The following KIAA1217 variants were observed in gnomAD, a reference collection of about 807,000 sequenced individuals.
The protein encoded by KIAA1217 is KIAA1217.
Under a neutral mutation model 163.9 loss-of-function variants are expected in KIAA1217, and 88 were observed. That is an observed-to-expected ratio of 0.54 (90% CI 0.45 to 0.64). KIAA1217 has a LOEUF of 0.64. Ranked by LOEUF, KIAA1217 falls within the 30% of genes least tolerant of loss-of-function variation. The pLI, the probability that KIAA1217 is intolerant of heterozygous loss-of-function variation, is 0.00. For missense variants in KIAA1217, 2,372 were observed against 2,475.0 expected (o/e 0.96, Z 0.88); for synonymous variants, 903 against 923.1 (o/e 0.98, Z 0.39).
Position 24,043,336 on chromosome 10 carries a change from T to C in KIAA1217, c.-171+35962T>C, listed in dbSNP as rs559205362. Among the ~76,000 whole-genome samples the C allele has an allele frequency of 3.3e-5, 5 of 152,310 alleles. No individual in the cohort carries two copies. In the South Asian group the frequency reaches 1.0e-3, roughly 32 times the overall value. On this transcript the variant is annotated intron_variant, in intron 2 of 18. Transcript: ENST00000376462. ...GTTTTAATATTCTCATTCTTATAAC[T>C]GGGAGTTTTTATTTTCTAAAAAGTC...
At chr10:24,225,681 G>C (rs2070424314) in intron 2 of KIAA1217, among the ~76,000 whole-genome samples, 1 of 152,228 alleles carries the variant, frequency 6.6e-6, no homozygotes, top group East Asian at 1.9e-4. Flanking sequence ...ATAAAGAATA[G>C]TCTTTCCAGA....
intron 2 of KIAA1217, among the ~76,000 whole-genome samples, chr10:24,361,170 A>AT (rs34211302): frequency 0.38 from 57,724 of 150,812 alleles, 11,957 homozygotes; most frequent in Middle Eastern, 0.48. Flanking sequence ...AGCACATGCC[A>AT]TTTTTTTTTC....
At chr10:23,847,171 A>T (rs768881703) in intron 1 of KIAA1217, among the ~76,000 whole-genome samples, 2 of 152,154 alleles carry the variant, frequency 1.3e-5, no homozygotes, top group Non-Finnish European at 2.9e-5. Flanking sequence ...ATCGATGTTC[A>T]TCAGGGGTAT....
intron 1 of KIAA1217, among the ~76,000 whole-genome samples, chr10:23,749,031 A>G (rs1192568495): frequency 6.6e-6 from 1 of 152,100 alleles, no homozygotes. Context: ...CTGTTATACC[A>G]CATCTAACAT....
At chr10:23,793,968 A>G (rs2130939978) in intron 1 of KIAA1217, among the ~76,000 whole-genome samples, 1 of 152,354 alleles carries the variant, frequency 6.6e-6, no homozygotes, top group African/African-American at 2.4e-5. Context: ...ATGTAAAATC[A>G]TTGCTTTTAA....
intron 2 of KIAA1217, among the ~76,000 whole-genome samples, chr10:24,008,990 G>T (rs1368258303): frequency 6.6e-6 from 1 of 152,196 alleles, no homozygotes; most frequent in East Asian, 1.9e-4. Context: ...AGAGATCAAA[G>T]AGTCAACCTT....
intron 1 of KIAA1217, among the ~76,000 whole-genome samples, chr10:23,983,759 G>A (rs1159841745): frequency 6.6e-6 from 1 of 152,152 alleles, no homozygotes; most frequent in Non-Finnish European, 1.5e-5. Context: ...TGACCCACAT[G>A]CAGAATACAT....
chr10:24,534,881 C>CAAAAAAAA (rs71506838), intron 16 of KIAA1217, among the ~76,000 whole-genome samples: 2 of 71,844 alleles, frequency 2.8e-5, no homozygotes, highest in Non-Finnish European at 5.3e-5. Flanking sequence ...AACTCTGTCT[C>CAAAAAAAA]AAAAAAAAAA....
intron 1 of KIAA1217, among the ~76,000 whole-genome samples, chr10:23,883,246 T>G (rs1841029619): frequency 6.6e-6 from 1 of 151,914 alleles, no homozygotes; most frequent in South Asian, 2.1e-4. Context: ...ATGTCCTAAC[T>G]CACTCTTTAC....
Position 24,477,960 on chromosome 10 carries a change from A to C in KIAA1217, c.1679+3900A>C, listed in dbSNP as rs569453590. ...TCATGAGCACAGGGTCGTATAAAGA[A>C]CCAATCCAATTTCTGTTGCAATTTC... On this transcript the variant is annotated intron_variant, in intron 6 of 20. Transcript: ENST00000376454. Among the ~76,000 whole-genome samples, 3 of 152,362 alleles carry C rather than the reference A, an allele frequency of 2.0e-5. No individual in the cohort carries two copies. In the South Asian group the frequency reaches 6.2e-4, roughly 32 times the overall value.
Position 24,546,320 on chromosome 10 carries a change from C to A in KIAA1217, c.5828C>A (p.Ser1943Tyr). Residue 1943 changes from serine (S) to tyrosine (Y), a missense_variant, in exon 21 of 21, where the codon TCT becomes TAT. Around this residue, in one of 3 missense-constraint regions of KIAA1217, gnomAD observed 690 missense variants for 677.5 expected, o/e 1.02. Coordinates refer to ENST00000376454, the MANE Select transcript of KIAA1217 (RefSeq NM_019590.5). ...KATPSTAKETS is the reference protein window; with the variant it reads ...KATPSTAKETY The stretch of plus-strand genomic sequence containing the variant: ...ACCCCATCCACAGCAAAAGAAACCT[C>A]TTAAAGGTCAAATCCTATTAGGCAC... 6.3e-7 allele frequency: 1 copy of A among 1,590,172 alleles called. No individual in the cohort carries two copies. Among genetic ancestry groups the A allele is most frequent in the Non-Finnish European group, 8.6e-7 (1 of 1,168,768 alleles).
intron 12 of KIAA1217, among the ~76,000 whole-genome samples, chr10:24,523,097 A>G (rs1377458545): frequency 6.6e-6 from 1 of 152,190 alleles, no homozygotes; most frequent in Non-Finnish European, 1.5e-5. Context: ...GGCTGCAGTG[A>G]GCTATGATCA....
chr10:23,921,958 G>A (rs914378504), intron 1 of KIAA1217, among the ~76,000 whole-genome samples: 1 of 152,092 alleles, frequency 6.6e-6, no homozygotes, highest in Non-Finnish European at 1.5e-5. Context: ...GATGATTGGT[G>A]GCTGGGGCTC....
At chr10:23,934,541 T>C (rs1447526487) in intron 1 of KIAA1217, among the ~76,000 whole-genome samples, 5 of 131,676 alleles carry the variant, frequency 3.8e-5, no homozygotes, top group South Asian at 2.5e-4. Flanking sequence ...GAAAAATATA[T>C]TAAGTGGTCT....
rs1290768864 is a variant in KIAA1217, at chr10:23,790,240, TGCAC to T, written c.-321+95007_-321+95010del. ...ACATATGCATATGCACATATGCATA[TGCAC>T]ATATGCATATGCACATATGCATATG... is the stretch of plus-strand genomic sequence containing the variant. On this transcript the variant is annotated intron_variant, in intron 1 of 18. Coordinates refer to the KIAA1217 transcript ENST00000376462. 1.1e-4 allele frequency among the ~76,000 whole-genome samples: 13 copies of T among 118,118 alleles called. 4 individuals carry two copies. Among genetic ancestry groups the T allele is most frequent in the East Asian group, 2.4e-4 (1 of 4,236 alleles). 77.5% of individuals were successfully genotyped at this position (118,118 alleles called of 152,430 possible). A position where few individuals can be genotyped will look rare whatever the true frequency, so the allele number is the denominator to read the frequency against.
intron 5 of KIAA1217, among the ~76,000 whole-genome samples, chr10:24,455,878 T>G (rs776473307): frequency 1.9e-4 from 29 of 152,166 alleles, no homozygotes; most frequent in Admixed American, 9.2e-4. Flanking sequence ...GGAATAGGAA[T>G]GAGGAAAAGT....
At position 24,420,158 on chromosome 10, in the gene KIAA1217, C is replaced by T. The variant is rs535264855; in HGVS notation, c.554-12837C>T. ...AATAGTGATTATGCAAATTTACACTCTCACCAGCAGTAAATAACAGGCTGT... is the reference window on the plus strand; with the variant it reads ...AATAGTGATTATGCAAATTTACACTTTCACCAGCAGTAAATAACAGGCTGT... On this transcript the variant is annotated intron_variant, in intron 3 of 20. Coordinates refer to ENST00000376454, the MANE Select transcript of KIAA1217 (RefSeq NM_019590.5). 2.6e-5 allele frequency among the ~76,000 whole-genome samples: 4 copies of T among 152,334 alleles called. No individual in the cohort carries two copies. The East Asian group carries it at 7.7e-4, about 29-fold the overall frequency.
intron 2 of KIAA1217, among the ~76,000 whole-genome samples, chr10:24,236,341 C>T (rs1041667641): frequency 3.9e-5 from 6 of 152,090 alleles, no homozygotes; most frequent in Non-Finnish European, 7.3e-5. Context: ...ATCTCCGCCT[C>T]CCAGATTCAA....
At chr10:24,253,334 C>G (rs2074769282) in intron 2 of KIAA1217, among the ~76,000 whole-genome samples, 1 of 152,166 alleles carries the variant, frequency 6.6e-6, no homozygotes, top group African/African-American at 2.4e-5. Context: ...GTCCTTCTAT[C>G]TCTGTGGCTG....
Sources: allele counts gnomAD v4.1 joint callset (sites outside exome capture counted in the v4.1 genomes callset), GRCh38; gene constraint gnomAD v4.1.1; regional missense constraint gnomAD v4.1.1; transcripts MANE v1.5; gene names NCBI Gene and HGNC (gene_info 2026-07-23, HGNC 2026-07-21).